Variants in ZNF90 observed in about 807,000 individuals in gnomAD.
ZNF90 encodes zinc finger protein 90, also known as zinc finger protein HTF9.
In ZNF90, 11 loss-of-function variants were observed where a neutral mutation model predicts 12.0. The ratio of observed to expected loss-of-function variants is 0.92; its 90% CI spans 0.58 to 1.52. ZNF90 has a LOEUF of 1.52. ZNF90 is among the 40% of genes most tolerant of loss of function. ZNF90 has a pLI of 0.00. For synonymous variants in ZNF90, 232 were observed against 240.1 expected (o/e 0.97, Z 0.31); for missense variants, 765 against 711.5 (o/e 1.08, Z -0.86).
rs61998186 is a variant in ZNF90, at chr19:20,118,132, A to G, written c.578A>G (p.Lys193Arg). ...TCCTCAACCCTTGCTACACATAAGA[A>G]AATTCATACTGGAGAGATAACCTGC... ...NQSSTLATHKKIHTGEITCKC... is the reference protein window; with the variant it reads ...NQSSTLATHKRIHTGEITCKC... Residue 193 changes from lysine to arginine, a missense_variant, in exon 4 of 4, where the codon AAA becomes AGA. Lys to Arg is a conservative substitution (Grantham distance 26, BLOSUM62 2). Coordinates refer to ENST00000418063, the MANE Select transcript of ZNF90 (RefSeq NM_007138.2). The G allele has an allele frequency of 0.097, 156,585 of 1,613,312 alleles. 9,654 individuals are homozygous for G. The highest frequency in any genetic ancestry group is 0.32 in the East Asian group (14,374 of 44,832).
Position 20,119,582 on chromosome 19 carries a change from G to A in ZNF90, c.*222G>A, listed in dbSNP as rs782141095. ...TTCATACTGGACGGAAACTCTACAG[G>A]TGTGAAAAATGCAGCAAAGCCTATA... On this transcript the variant is annotated 3_prime_UTR_variant, in exon 4 of 4. Coordinates refer to ENST00000418063, the MANE Select transcript of ZNF90 (RefSeq NM_007138.2). 15 of 464,390 alleles carry A rather than the reference G, an allele frequency of 3.2e-5. No individual in the cohort carries two copies. The highest frequency in any genetic ancestry group is 5.8e-4 in the Middle Eastern group (1 of 1,732). The allele number at this position is 464,390 out of a possible 1,614,324, so 28.8% of individuals were successfully genotyped here.
At chr19:20,090,578 G>A (rs1400776432) in intron 1 of ZNF90, among the ~76,000 whole-genome samples, 1 of 152,182 alleles carries the variant, frequency 6.6e-6, no homozygotes, top group African/African-American at 2.4e-5. Context: ...TAGAGTTTGA[G>A]GGGTCAGATT....
At chr19:20,113,825 C>T (rs1390276974) in intron 3 of ZNF90, among the ~76,000 whole-genome samples, 2 of 151,978 alleles carry the variant, frequency 1.3e-5, no homozygotes, top group Admixed American at 6.6e-5. Context: ...GAGACCTGGT[C>T]TCAAAAACAC....
At chr19:20,115,857 A>G (rs1040414707) in intron 3 of ZNF90, among the ~76,000 whole-genome samples, 1 of 151,796 alleles carries the variant, frequency 6.6e-6, no homozygotes, top group Non-Finnish European at 1.5e-5. Flanking sequence ...CACTTACTGT[A>G]TATTATTATG....
intron 1 of ZNF90, among the ~76,000 whole-genome samples, chr19:20,098,576 C>G (rs2088966049): frequency 6.6e-6 from 1 of 152,214 alleles, no homozygotes; most frequent in Non-Finnish European, 1.5e-5. Context: ...TATCCAAGAG[C>G]TAGCAAATCA....
At chr19:20,110,148 T>C (rs1206125825) in intron 3 of ZNF90, among the ~76,000 whole-genome samples, 1 of 152,268 alleles carries the variant, frequency 6.6e-6, no homozygotes, top group Non-Finnish European at 1.5e-5. Flanking sequence ...TTCCATTGTA[T>C]GTATATGTTA....
intron 1 of ZNF90, among the ~76,000 whole-genome samples, chr19:20,081,855 C>T (rs1161951587): frequency 6.6e-6 from 1 of 151,506 alleles, no homozygotes; most frequent in Non-Finnish European, 1.5e-5. Flanking sequence ...AGGTCTGCCT[C>T]CCAGGTTCAC....
intron 3 of ZNF90, among the ~76,000 whole-genome samples, chr19:20,115,585 CT>C (rs1555705592): frequency 6.6e-6 from 1 of 151,752 alleles, no homozygotes; most frequent in East Asian, 1.9e-4. Context: ...TGCAAAAATT[CT>C]TCATCATTAC....
chr19:20,086,811 TTTA>T (rs1555702134), intron 1 of ZNF90, among the ~76,000 whole-genome samples: 2 of 152,336 alleles, frequency 1.3e-5, no homozygotes, highest in Non-Finnish European at 2.9e-5. Flanking sequence ...GTGTGACATG[TTTA>T]TTACTTTATT....
intron 1 of ZNF90, among the ~76,000 whole-genome samples, chr19:20,082,549 T>C (rs1320944591): frequency 3.9e-5 from 6 of 152,218 alleles, no homozygotes; most frequent in African/African-American, 1.4e-4. Context: ...ATGTGCTTTG[T>C]TAAACAAATG....
intron 1 of ZNF90, among the ~76,000 whole-genome samples, chr19:20,086,334 A>C (rs190860586): frequency 6.8e-6 from 1 of 148,008 alleles, no homozygotes; most frequent in African/African-American, 2.5e-5. Context: ...TCCCGGGTTG[A>C]AGTGATTCTC....
chr19:20,090,164 G>T (rs1555702593), intron 1 of ZNF90, among the ~76,000 whole-genome samples: 1 of 152,142 alleles, frequency 6.6e-6, no homozygotes, highest in African/African-American at 2.4e-5. Context: ...CAAGAGTAGG[G>T]CATTTATAAG....
At chr19:20,094,607 G>C (rs1164162877) in intron 1 of ZNF90, among the ~76,000 whole-genome samples, 1 of 152,176 alleles carries the variant, frequency 6.6e-6, no homozygotes, top group Non-Finnish European at 1.5e-5. Context: ...ATCCTCTCGG[G>C]GAACTGCTCT....
At chr19:20,087,696 T>G (rs1662107127) in intron 1 of ZNF90, 1 of 152,236 alleles carries the variant, frequency 6.6e-6, no homozygotes. Context: ...TTCGTGCGTG[T>G]CTATGTGAAG....
Position 20,120,685 on chromosome 19 carries a change from CAG to C in ZNF90, c.*1326_*1327del, listed in dbSNP as rs1206833505. ...TGATACTTCAGACATTACACTAAAACAGTGTTGAGTATAAAAAAGAATCCACA... is the reference window on the plus strand; with the variant it reads ...TGATACTTCAGACATTACACTAAAACTGTTGAGTATAAAAAAGAATCCACA... On this transcript the variant is annotated 3_prime_UTR_variant, in exon 4 of 4. Transcript: ENST00000418063. The C allele has an allele frequency of 3.3e-5, 5 of 152,014 alleles. No homozygotes were observed. The highest frequency in any genetic ancestry group is 1.2e-4 in the African/African-American group (5 of 41,382). 9.4% of individuals were successfully genotyped at this position (152,014 alleles called of 1,614,324 possible).
rs1296057781 is a variant in ZNF90, at chr19:20,105,293, A to T, written c.203A>T (p.His68Leu). 10 of 1,607,420 alleles carry T rather than the reference A, an allele frequency of 6.2e-6. No individual in the cohort carries two copies. The highest frequency in any genetic ancestry group is 8.5e-6 in the Non-Finnish European group (10 of 1,176,218). The change falls in exon 3 of 4, where the codon CAT becomes CTT. Residue 68 changes from histidine (H) to leucine (L), a missense_variant. His to Leu is a moderately conservative substitution (Grantham distance 99). Coordinates refer to ENST00000418063, the MANE Select transcript of ZNF90 (RefSeq NM_007138.2). ...AAAAAACCCTTCACTGTGAAGAGACATGAGATGATTGCCAAATCCCCAGGT... is the reference window on the plus strand; with the variant it reads ...AAAAAACCCTTCACTGTGAAGAGACTTGAGATGATTGCCAAATCCCCAGGT... ...QGKKPFTVKR[H>L]EMIAKSPVMC...
At chr19:20,095,047 A>C (rs1412567352) in intron 1 of ZNF90, among the ~76,000 whole-genome samples, 1 of 151,970 alleles carries the variant, frequency 6.6e-6, no homozygotes, top group Non-Finnish European at 1.5e-5. Context: ...CGGCCTGGCA[A>C]TGAGCAGCCT....
intron 1 of ZNF90, among the ~76,000 whole-genome samples, chr19:20,084,490 CT>C (rs1304920143): frequency 2.6e-5 from 4 of 152,138 alleles, no homozygotes; most frequent in Admixed American, 1.3e-4. Flanking sequence ...ATTTATATTT[CT>C]TTGGCTATAT....
chr19:20,096,760 G>C (rs953933397), intron 1 of ZNF90, among the ~76,000 whole-genome samples: 4 of 152,170 alleles, frequency 2.6e-5, no homozygotes, highest in Non-Finnish European at 4.4e-5. Context: ...CGATGGCTTG[G>C]CTTGGGCTCA....
Sources: allele counts gnomAD v4.1 joint callset (sites outside exome capture counted in the v4.1 genomes callset), GRCh38; gene constraint gnomAD v4.1.1; transcripts MANE v1.5; gene names NCBI Gene and HGNC (gene_info 2026-07-23, HGNC 2026-07-21).